The following PRSS12 variants were observed in gnomAD, a reference collection of about 807,000 sequenced individuals.
PRSS12 encodes neurotrypsin.
A neutral mutation model predicts 104.4 loss-of-function variants in PRSS12; 85 were observed. That is an observed-to-expected ratio of 0.81 (90% CI 0.68 to 0.98). The LOEUF (loss-of-function observed/expected upper bound fraction) is 0.98. PRSS12 is among the 50% of genes least tolerant of loss of function. PRSS12 has a pLI of 0.00. For synonymous variants in PRSS12, 454 were observed against 425.2 expected, an observed-to-expected ratio of 1.07 and a Z score of -0.83; for missense variants, 1,141 against 1,139.2, an observed-to-expected ratio of 1.00 and a Z score of -0.02.
rs1230487581 is a variant in PRSS12, at chr4:118,282,193, T to C, written c.2371A>G (p.Lys791Glu). 6 of 1,614,076 alleles carry C rather than the reference T, an allele frequency of 3.7e-6. No individual in the cohort carries two copies. The highest frequency in any genetic ancestry group is 1.1e-5 in the South Asian group (1 of 91,092). ...TTATAACGTTCTTCACAAAACCTTT[T>C]AGGAAGTAAGGGAATGGCTGCTTGT... The part of the protein sequence containing the change: ...LQQAAIPLLP[K>E]RFCEERYKGR... Residue 791 changes from lysine (K) to glutamate (E), a missense_variant, in exon 13 of 13, where the codon AAA (lysine) becomes GAA (glutamate). By Grantham distance (56) the Lys-to-Glu change is moderately conservative (BLOSUM62 1). Coordinates refer to ENST00000296498, the MANE Select transcript of PRSS12 (RefSeq NM_003619.4).
chr4:118,312,895 T>A, intron 7 of PRSS12: 2 of 355,938 alleles, frequency 5.6e-6, no homozygotes, highest in South Asian at 2.8e-5. Flanking sequence ...GACCGAGGAG[T>A]AAGGGGAATA....
At position 118,331,940 on chromosome 4, in the gene PRSS12, A is replaced by AT. The variant is rs559358901; in HGVS notation, c.821-75dup. 12 of 1,577,780 alleles carry AT rather than the reference A, an allele frequency of 7.6e-6. No homozygotes were observed. In the African/African-American group the frequency reaches 1.5e-4, roughly 20 times the overall value. On this transcript the variant is annotated intron_variant, in intron 3 of 12. Transcript: ENST00000296498. ...ATTGATAAGATTAGGTATATTCTATATTTTTTGCCATTCTCAATAATTAAA... is the reference window on the plus strand; with the variant it reads ...ATTGATAAGATTAGGTATATTCTATATTTTTTTGCCATTCTCAATAATTAAA...
chr4:118,316,406 T>A, intron 5 of PRSS12, 83 bp from the exon 6 acceptor site: 1 of 1,555,082 alleles, frequency 6.4e-7, no homozygotes, highest in Non-Finnish European at 8.8e-7. Context: ...ACAAGAAATA[T>A]CACCATATTC....
chr4:118,281,632 A>ATCTT lies in PRSS12; in HGVS notation c.*300_*303dup. The ATCTT allele has an allele frequency of 2.4e-6, 1 of 409,530 alleles. No individual in the cohort carries two copies. 25.4% of individuals were successfully genotyped at this position (409,530 alleles called of 1,614,324 possible). Reference sequence around the variant, plus strand: ...GGTTCTCAGTTCAAATGTAAAAATGATCTTTTGTAAAATCAGCATAGAATG... The same window carrying ATCTT: ...GGTTCTCAGTTCAAATGTAAAAATGATCTTTCTTTTGTAAAATCAGCATAGAATG... On this transcript the variant is annotated 3_prime_UTR_variant, in exon 13 of 13. Transcript: ENST00000296498.
At chr4:118,346,374 A>G (rs967016943) in intron 1 of PRSS12, among the ~76,000 whole-genome samples, 1 of 148,556 alleles carries the variant, frequency 6.7e-6, no homozygotes, top group Non-Finnish European at 1.5e-5. Context: ...TTCCAAAAGC[A>G]TCTTTATTTT....
Position 118,331,870 on chromosome 4 carries a change from T to A in PRSS12, c.821-4A>T, listed in dbSNP as rs748341827. 1.3e-5 allele frequency: 21 copies of A among 1,613,796 alleles called. 1 individual carries two copies. The highest frequency in any genetic ancestry group is 1.4e-5 in the Non-Finnish European group (16 of 1,180,034). On this transcript the variant is annotated splice_polypyrimidine_tract_variant and splice_region_variant and intron_variant, in intron 3 of 12. Coordinates refer to ENST00000296498, the MANE Select transcript of PRSS12 (RefSeq NM_003619.4). ...CGAATGATGGGGAACGTTGGGCCTG[T>A]GCAATGTGAAGTTAAAAATAAGCAA...
intron 12 of PRSS12, 120 bp from the exon 13 acceptor site, chr4:118,282,363 A>G: frequency 7.8e-7 from 1 of 1,288,862 alleles, no homozygotes; most frequent in Non-Finnish European, 1.1e-6. Context: ...TGTAGTTTAA[A>G]ATGAGCAATG....
intron 11 of PRSS12, among the ~76,000 whole-genome samples, chr4:118,294,187 C>G (rs1165342063): frequency 6.6e-6 from 1 of 152,084 alleles, no homozygotes; most frequent in Non-Finnish European, 1.5e-5. Context: ...TGACAATGTT[C>G]AAAACACAAA....
intron 8 of PRSS12, among the ~76,000 whole-genome samples, chr4:118,302,774 G>A (rs1215196948): frequency 6.7e-6 from 1 of 149,878 alleles, no homozygotes; most frequent in Non-Finnish European, 1.5e-5. Flanking sequence ...ATATATCTGT[G>A]CTTAAATTTC....
chr4:118,325,664 C>A (rs1025230014), intron 4 of PRSS12, among the ~76,000 whole-genome samples: 2 of 151,928 alleles, frequency 1.3e-5, no homozygotes, highest in African/African-American at 2.4e-5. Context: ...TCATGAATTA[C>A]AATACTGAGG....
chr4:118,282,560 T>C (rs550866633), intron 12 of PRSS12, among the ~76,000 whole-genome samples: 2 of 152,340 alleles, frequency 1.3e-5, no homozygotes, highest in South Asian at 2.1e-4. Context: ...TTAAAAAGCA[T>C]AGAATGCATT....
chr4:118,338,117 C>T, intron 2 of PRSS12, 59 bp downstream of exon 2: 2 of 1,598,578 alleles, frequency 1.3e-6, no homozygotes, highest in South Asian at 2.2e-5. Flanking sequence ...CAATGACGGG[C>T]ACCCAGCATT....
At chr4:118,312,853 A>C in intron 7 of PRSS12, 1 of 312,580 alleles carries the variant, frequency 3.2e-6, no homozygotes, top group Admixed American at 4.8e-5. Flanking sequence ...ATAGCTCACT[A>C]GAATTCAAGG....
At chr4:118,340,992 A>C (rs1724191613) in intron 1 of PRSS12, among the ~76,000 whole-genome samples, 2 of 152,180 alleles carry the variant, frequency 1.3e-5, no homozygotes, top group Non-Finnish European at 2.9e-5. Context: ...TGGGGGTCTT[A>C]TGTAATCAAA....
intron 7 of PRSS12, among the ~76,000 whole-genome samples, chr4:118,312,584 T>C (rs1300740279): frequency 6.6e-6 from 1 of 152,188 alleles, no homozygotes; most frequent in African/African-American, 2.4e-5. Flanking sequence ...TTAGAGGAGC[T>C]AGTTACCTTT....
At chr4:118,315,377 T>C (rs886489230) in intron 6 of PRSS12, among the ~76,000 whole-genome samples, 4 of 152,188 alleles carry the variant, frequency 2.6e-5, no homozygotes, top group Non-Finnish European at 5.9e-5. Flanking sequence ...TTTTAAAATA[T>C]ATGTTTAACA....
chr4:118,351,732 A>G (rs917113208), intron 1 of PRSS12, among the ~76,000 whole-genome samples: 22 of 152,232 alleles, frequency 1.4e-4, no homozygotes, highest in African/African-American at 5.3e-4. Flanking sequence ...AAATTAAGGC[A>G]AAATTTTACC....
intron 7 of PRSS12, among the ~76,000 whole-genome samples, chr4:118,308,793 T>G (rs1383717829): frequency 2.0e-5 from 3 of 152,210 alleles, no homozygotes; most frequent in Admixed American, 2.0e-4. Context: ...TGCTCAACCT[T>G]GTATCCCCAG....
chr4:118,297,269 G>C (rs548134536), intron 9 of PRSS12, among the ~76,000 whole-genome samples: 1 of 152,120 alleles, frequency 6.6e-6, no homozygotes, highest in South Asian at 2.1e-4. Flanking sequence ...ACCATGGAAA[G>C]ATATCAAAAA....
Sources: allele counts gnomAD v4.1 joint callset (sites outside exome capture counted in the v4.1 genomes callset), GRCh38; gene constraint gnomAD v4.1.1; transcripts MANE v1.5; gene names NCBI Gene and HGNC (gene_info 2026-07-23, HGNC 2026-07-21).